Variants in MMP27 observed in about 807,000 individuals in gnomAD.
The protein encoded by MMP27 is matrix metallopeptidase 27.
Under a neutral mutation model 48.1 loss-of-function variants are expected in MMP27, and 51 were observed. The observed-to-expected ratio is 1.06, with a 90% CI of 0.85 to 1.34. The LOEUF is 1.34. Among genes scored for constraint, MMP27 ranks in the 40% most tolerant of loss-of-function variants. MMP27 has a pLI of 0.00. For synonymous variants in MMP27, 229 were observed against 208.9 expected, an observed-to-expected ratio of 1.10 and a Z score of -0.83; for missense variants, 698 against 619.3, an observed-to-expected ratio of 1.13 and a Z score of -1.35.
intron 1 of MMP27, 27 bp downstream of exon 1, chr11:102,705,586 C>T (rs1861032687): frequency 4.6e-6 from 6 of 1,314,244 alleles, no homozygotes; most frequent in Admixed American, 2.4e-5. Context: ...TATCAATAGT[C>T]ATCGATATCA....
In MMP27 at chr11:102,696,533, T is replaced by C. The variant is rs1228023044; in HGVS notation, c.782-42A>G. On this transcript the variant is annotated intron_variant, in intron 5 of 9. Transcript: ENST00000260229. ...AATACCACAATGAATTAAGAGGGCA[T>C]GAAGAAATATGCCTACACAAGGGTC... 5.6e-6 allele frequency: 9 copies of C among 1,607,808 alleles called. 1 individual carries two copies. The South Asian group carries it at 8.9e-5, about 16-fold the overall frequency.
At chr11:102,700,989 A>G (rs1192268479) in intron 4 of MMP27, among the ~76,000 whole-genome samples, 2 of 152,236 alleles carry the variant, frequency 1.3e-5, no homozygotes, top group Non-Finnish European at 2.9e-5. Flanking sequence ...GTGATCATAT[A>G]GGTTATTGCT....
rs374536865 is a variant in MMP27, at chr11:102,691,726, T to C, written c.*40A>G. On this transcript the variant is annotated 3_prime_UTR_variant, in exon 10 of 10. Transcript: ENST00000260229. Reference sequence around the variant, plus strand: ...TTATTCTATTTTGAAGCAGAATTTATATTAAAAGACCTGTTGAGGTTTATT... The same window carrying C: ...TTATTCTATTTTGAAGCAGAATTTACATTAAAAGACCTGTTGAGGTTTATT... The C allele has an allele frequency of 3.1e-5, 45 of 1,465,260 alleles. No individual in the cohort carries two copies. The highest frequency in any genetic ancestry group is 3.9e-5 in the Non-Finnish European group (43 of 1,090,894). 90.8% of individuals were successfully genotyped at this position (1,465,260 alleles called of 1,614,324 possible).
Position 102,693,922 on chromosome 11 carries a change from C to T in MMP27, c.1177G>A (p.Gly393Ser). ...TAAACTTACCTCCAGCACCAAATGCCCACAAAGAAGTAGGTTTTTCTTGTG... is the reference window on the plus strand; with the variant it reads ...TAAACTTACCTCCAGCACCAAATGCTCACAAAGAAGTAGGTTTTTCTTGTG... ...KTTRKTYFFV[G>S]IWCWRFDEMT... Residue 393 changes from glycine to serine, a missense_variant, in exon 8 of 10, where the codon GGC becomes AGC. Coordinates refer to ENST00000260229, the MANE Select transcript of MMP27 (RefSeq NM_022122.3). The T allele has an allele frequency of 6.3e-7, 1 of 1,597,072 alleles. No individual in the cohort carries two copies. The highest frequency in any genetic ancestry group is 1.1e-5 in the South Asian group (1 of 87,048).
chr11:102,694,170 A>G, intron 7 of MMP27, 105 bp from the exon 8 acceptor site: 1 of 717,000 alleles, frequency 1.4e-6, no homozygotes, highest in Non-Finnish European at 2.1e-6. Context: ...CAGTGCTTAG[A>G]GATTTAATAA....
rs777321714 is a variant in MMP27, at chr11:102,691,772, A to G, written c.1536T>C (p.Tyr512=). The change falls in exon 10 of 10, where the codon TAT becomes TAC. Residue 512 remains tyrosine (Y), a synonymous_variant. Transcript: ENST00000260229. ...IVHLLKNTSI[Y]Q ...TTATTTTAGGTCTATGAATTTATTG[A>G]TAAATAGAAGTGTTTTTCAGCAAAT... is the stretch of plus-strand genomic sequence containing the variant. 3.8e-6 allele frequency: 6 copies of G among 1,585,782 alleles called. No individual in the cohort carries two copies. The African/African-American group carries it at 8.1e-5, about 21-fold the overall frequency.
intron 4 of MMP27, among the ~76,000 whole-genome samples, chr11:102,702,214 TG>T (rs1860952877): frequency 1.3e-5 from 2 of 152,244 alleles, no homozygotes; most frequent in South Asian, 4.1e-4. Flanking sequence ...CCTTTGCAGC[TG>T]GGCAAGAGTT....
intron 4 of MMP27, among the ~76,000 whole-genome samples, chr11:102,698,000 C>T (rs373077108): frequency 1.3e-4 from 20 of 152,266 alleles, no homozygotes; most frequent in East Asian, 3.9e-4. Flanking sequence ...CCTAGGATAA[C>T]GATGCCTTCT....
intron 8 of MMP27, 83 bp from the exon 9 acceptor site, chr11:102,693,124 C>T: frequency 2.0e-6 from 2 of 1,016,342 alleles, no homozygotes; most frequent in African/African-American, 1.6e-5. Flanking sequence ...TAGAGTCAAG[C>T]AGGGATGTGG....
At chr11:102,697,284 G>T (rs1860849506) in intron 4 of MMP27, among the ~76,000 whole-genome samples, 1 of 152,136 alleles carries the variant, frequency 6.6e-6, no homozygotes, top group African/African-American at 2.4e-5. Flanking sequence ...TGGTATAAAA[G>T]ATAAAAAATA....
At chr11:102,698,578 A>T (rs1407783507) in intron 4 of MMP27, among the ~76,000 whole-genome samples, 1 of 152,098 alleles carries the variant, frequency 6.6e-6, no homozygotes, top group Admixed American at 6.5e-5. Context: ...TTGCTATAGG[A>T]TAAAGTCCAA....
At chr11:102,703,474 T>A (rs372500687) in intron 2 of MMP27, among the ~76,000 whole-genome samples, 1 of 152,280 alleles carries the variant, frequency 6.6e-6, no homozygotes, top group East Asian at 1.9e-4. Flanking sequence ...CTGAGAATCA[T>A]TTTTTTGAAT....
intron 6 of MMP27, 55 bp downstream of exon 6, chr11:102,696,316 T>C (rs2134265418): frequency 6.3e-7 from 1 of 1,595,966 alleles, no homozygotes; most frequent in Non-Finnish European, 8.6e-7. Context: ...TCCTCAAATC[T>C]CTTGAAAAGA....
At chr11:102,692,623 T>C (rs1362670987) in intron 9 of MMP27, among the ~76,000 whole-genome samples, 1 of 152,222 alleles carries the variant, frequency 6.6e-6, no homozygotes, top group African/African-American at 2.4e-5. Context: ...GGTACATACA[T>C]TAAAGTTTGA....
At position 102,696,748 on chromosome 11, in the gene MMP27, G is replaced by T. The variant is rs777878840; in HGVS notation, c.707C>A (p.Pro236Gln). 1 of 1,613,834 alleles carries T rather than the reference G, an allele frequency of 6.2e-7. No individual in the cohort carries two copies. Among genetic ancestry groups the T allele is most frequent in the African/African-American group, 1.3e-5 (1 of 75,030 alleles). The change falls in exon 5 of 10, where the codon CCA (proline) becomes CAA (glutamine). Residue 236 changes from proline to glutamine, a missense_variant. Physicochemically the swap from Pro to Gln is moderately conservative, Grantham distance 76. Coordinates refer to ENST00000260229, the MANE Select transcript of MMP27 (RefSeq NM_022122.3). ...TCTGGGATCCAGGGAGACATAATTT[G>T]GGAACATCAAGGCTGTTTGATCATT... is the stretch of plus-strand genomic sequence containing the variant. ...HSNDQTALMFPNYVSLDPRKY... is the reference protein window; with the variant it reads ...HSNDQTALMFQNYVSLDPRKY...
At chr11:102,699,235 G>A (rs936519893) in intron 4 of MMP27, among the ~76,000 whole-genome samples, 1 of 152,104 alleles carries the variant, frequency 6.6e-6, no homozygotes, top group South Asian at 2.1e-4. Context: ...GGGAGACCAA[G>A]GTGGGTGGAT....
In MMP27 at chr11:102,704,742, C is replaced by T; in HGVS notation, c.136G>A (p.Glu46Lys). ...YLNQFYSLEI[E>K]GNHLVQSKNR... is the part of the protein sequence containing the mutation. The stretch of plus-strand genomic sequence containing the variant: ...TTGCTTTGAACAAGATGATTCCCTT[C>T]TATTTCAAGAGAGTAGAACTGGTTG... Residue 46 changes from glutamate (E) to lysine (K), a missense_variant, in exon 2 of 10, where the codon GAA becomes AAA. Coordinates refer to ENST00000260229, the MANE Select transcript of MMP27 (RefSeq NM_022122.3). 1.2e-6 allele frequency: 2 copies of T among 1,612,584 alleles called. No individual in the cohort carries two copies. The highest frequency in any genetic ancestry group is 1.7e-6 in the Non-Finnish European group (2 of 1,179,384).
At chr11:102,705,474 A>T in intron 1 of MMP27, 139 bp downstream of exon 1, 1 of 563,360 alleles carries the variant, frequency 1.8e-6, no homozygotes, top group Non-Finnish European at 3.1e-6. Context: ...CGTCAGAGAT[A>T]GACAAATGAA....
chr11:102,692,109 A>G, intron 9 of MMP27, 99 bp from the exon 10 acceptor site: 1 of 1,166,778 alleles, frequency 8.6e-7, no homozygotes, highest in Non-Finnish European at 1.1e-6. Flanking sequence ...ATTATGGAGA[A>G]CGAAGAAATT....
Sources: gnomAD v4.1 joint callset for allele counts (sites outside exome capture counted in the v4.1 genomes callset) on GRCh38, gnomAD v4.1.1 for gene constraint, MANE v1.5 for transcripts, NCBI Gene and HGNC (gene_info 2026-07-23, HGNC 2026-07-21) for gene names.